Variants in CNTNAP4 observed in about 807,000 individuals in gnomAD.
The protein encoded by CNTNAP4 is contactin associated protein family member 4.
CNTNAP4 carries 98 observed loss-of-function variants against 148.4 expected under a neutral mutation model. The observed-to-expected ratio is 0.66, with a 90% CI of 0.56 to 0.78. CNTNAP4 has a LOEUF of 0.78. CNTNAP4 is among the 30% of genes least tolerant of loss of function. CNTNAP4 has a pLI of 0.00. For synonymous variants in CNTNAP4, 730 were observed against 565.1 expected, an observed-to-expected ratio of 1.29 and a Z score of -4.14; for missense variants, 1,935 against 1,565.6, an observed-to-expected ratio of 1.24 and a Z score of -3.98.
intron 10 of CNTNAP4, among the ~76,000 whole-genome samples, chr16:76,471,394 G>A (rs751953104): frequency 6.6e-5 from 10 of 152,164 alleles, no homozygotes; most frequent in African/African-American, 9.7e-5. Context: ...AAAGCACACT[G>A]GGGCTGCAGA....
At chr16:76,390,694 C>A (rs951735154) in intron 3 of CNTNAP4, among the ~76,000 whole-genome samples, 1 of 152,116 alleles carries the variant, frequency 6.6e-6, no homozygotes, top group Admixed American at 6.5e-5. Flanking sequence ...CCAAGGTTGT[C>A]CCTGCCCTTA....
chr16:76,303,016 C>T (rs1428359200), intron 1 of CNTNAP4, among the ~76,000 whole-genome samples: 1 of 152,194 alleles, frequency 6.6e-6, no homozygotes, highest in Non-Finnish European at 1.5e-5. Flanking sequence ...TGAGCTAATG[C>T]ACACCTACTC....
intron 1 of CNTNAP4, among the ~76,000 whole-genome samples, chr16:76,280,311 A>G (rs1386778869): frequency 2.6e-5 from 4 of 152,168 alleles, no homozygotes; most frequent in Non-Finnish European, 5.9e-5. Flanking sequence ...AATTGATCCA[A>G]TTAAACAGCA....
At chr16:76,471,587 C>G (rs1288668547) in intron 10 of CNTNAP4, among the ~76,000 whole-genome samples, 9 of 152,166 alleles carry the variant, frequency 5.9e-5, no homozygotes, top group Admixed American at 5.2e-4. Context: ...GCACCGTCCT[C>G]CATCCAGGCC....
At chr16:76,462,563 T>A (rs1022568456) in intron 9 of CNTNAP4, among the ~76,000 whole-genome samples, 6 of 152,122 alleles carry the variant, frequency 3.9e-5, no homozygotes, top group African/African-American at 2.4e-5. Flanking sequence ...CCCAGCAACC[T>A]CTTCTCCTTG....
rs1005257702 is a variant in CNTNAP4, at chr16:76,452,434, A to G, written c.1072-74A>G. 1.6e-5 allele frequency: 24 copies of G among 1,477,642 alleles called. No homozygotes were observed. The East Asian group carries it at 5.4e-4, about 33-fold the overall frequency. The allele number at this position is 1,477,642 out of a possible 1,614,324, so 91.5% of individuals were successfully genotyped here. On this transcript the variant is annotated intron_variant, in intron 7 of 23. Transcript: ENST00000611870. ...AATCGCGGATAATGTGAGATTGAAA[A>G]GCAGCCTTCAAATTCTGTTACTAAT...
chr16:76,518,237 C>G (rs1481129654), intron 15 of CNTNAP4, among the ~76,000 whole-genome samples: 7 of 152,242 alleles, frequency 4.6e-5, no homozygotes, highest in African/African-American at 1.7e-4. Flanking sequence ...AAGTGATTCT[C>G]CTGCCTCAGC....
chr16:76,348,361 A>G (rs1330402112), intron 2 of CNTNAP4, among the ~76,000 whole-genome samples: 2 of 152,054 alleles, frequency 1.3e-5, no homozygotes, highest in Non-Finnish European at 2.9e-5. Flanking sequence ...GAAGGAGTGT[A>G]GGCAGATTTA....
chr16:76,315,862 T>TG (rs1276787250), intron 1 of CNTNAP4, among the ~76,000 whole-genome samples: 2 of 152,312 alleles, frequency 1.3e-5, no homozygotes, highest in Admixed American at 1.3e-4. Flanking sequence ...CCCAAAGTGC[T>TG]GGGACCACAG....
At chr16:76,332,148 CG>C (rs757426414) in intron 2 of CNTNAP4, among the ~76,000 whole-genome samples, 9 of 152,104 alleles carry the variant, frequency 5.9e-5, no homozygotes, top group Non-Finnish European at 1.0e-4. Context: ...TGACTTACAA[CG>C]GTTTGATTGT....
chr16:76,384,522 C>T (rs2016318959), intron 3 of CNTNAP4, among the ~76,000 whole-genome samples: 1 of 152,122 alleles, frequency 6.6e-6, no homozygotes, highest in Admixed American at 6.5e-5. Flanking sequence ...GATAAAGTGC[C>T]ATGTAGCTTT....
At chr16:76,406,071 A>C (rs2078590503) in intron 3 of CNTNAP4, among the ~76,000 whole-genome samples, 1 of 152,094 alleles carries the variant, frequency 6.6e-6, no homozygotes, top group Non-Finnish European at 1.5e-5. Context: ...CAAAGAAAAA[A>C]AAATTAGGCG....
rs757350170 is a variant in CNTNAP4 at position 76,448,777 on chromosome 16, A to T, written c.753A>T (p.Lys251Asn). 1 of 1,606,222 alleles carries T rather than the reference A, an allele frequency of 6.2e-7. No individual in the cohort carries two copies. Among genetic ancestry groups the T allele is most frequent in the Admixed American group, 1.7e-5 (1 of 58,932 alleles). ...TTCTCCTCTTCTAAGGTGAAGCTAA[A>T]CTGCCTTCCACTTCCACCCTGGTCA... ...LFLLINSGEA[K>N]LPSTSTLVNL... Residue 251 changes from lysine to asparagine, a missense_variant, in exon 6 of 24, where the codon AAA becomes AAT. Coordinates refer to ENST00000611870, the MANE Select transcript of CNTNAP4 (RefSeq NM_033401.5).
rs571929507 is a variant in CNTNAP4 at position 76,378,789 on chromosome 16, C to T, written c.390+23278C>T. 5.9e-5 allele frequency among the ~76,000 whole-genome samples: 9 copies of T among 152,262 alleles called. No homozygotes were observed. In the South Asian group the frequency reaches 1.9e-3, roughly 32 times the overall value. On this transcript the variant is annotated intron_variant, in intron 3 of 23. Transcript: ENST00000611870. ...CTCCTGCAAAGTCTGTCCTCCATGT[C>T]AGTGAGGGAGAAAACCCGGCCCAGC...
At chr16:76,326,715 T>A (rs993775074) in intron 2 of CNTNAP4, among the ~76,000 whole-genome samples, 1 of 149,854 alleles carries the variant, frequency 6.7e-6, no homozygotes, top group Non-Finnish European at 1.5e-5. Context: ...AACCAAACAC[T>A]GCATGTTCTC....
chr16:76,329,437 T>C (rs1169927545), intron 2 of CNTNAP4, among the ~76,000 whole-genome samples: 2 of 152,244 alleles, frequency 1.3e-5, no homozygotes, highest in Non-Finnish European at 2.9e-5. Flanking sequence ...TTTTATAATT[T>C]AAAATCTGTT....
intron 15 of CNTNAP4, among the ~76,000 whole-genome samples, chr16:76,502,387 T>C (rs555849594): frequency 1.9e-4 from 29 of 149,842 alleles, no homozygotes; most frequent in African/African-American, 6.7e-4. Flanking sequence ...TTTTTTTTTT[T>C]CATTTCCAAG....
At chr16:76,549,938 T>G (rs919129880) in intron 21 of CNTNAP4, among the ~76,000 whole-genome samples, 2 of 152,154 alleles carry the variant, frequency 1.3e-5, no homozygotes, top group African/African-American at 2.4e-5. Flanking sequence ...ATAAAAACTT[T>G]GTGTCTGCAG....
At chr16:76,410,477 C>G (rs1479876546) in intron 3 of CNTNAP4, among the ~76,000 whole-genome samples, 1 of 151,678 alleles carries the variant, frequency 6.6e-6, no homozygotes, top group African/African-American at 2.4e-5. Context: ...TTTGTTACAT[C>G]TGGCAGTGTT....
Sources: allele counts gnomAD v4.1 joint callset (sites outside exome capture counted in the v4.1 genomes callset), GRCh38; gene constraint gnomAD v4.1.1; transcripts MANE v1.5; gene names NCBI Gene and HGNC (gene_info 2026-07-23, HGNC 2026-07-21).